Variants in SHE observed in about 807,000 individuals in gnomAD.
The protein encoded by SHE is SH2 domain-containing adapter protein E.
In SHE, 11 loss-of-function variants were observed where a neutral mutation model predicts 49.8. The ratio of observed to expected loss-of-function variants is 0.22; its 90% confidence interval spans 0.14 to 0.37. The LOEUF (loss-of-function observed/expected upper bound fraction) is 0.37, where lower values mean the gene tolerates loss of function less well. SHE is among the 10% of genes least tolerant of loss of function. The probability of loss-of-function intolerance (pLI) is 1.00; values close to 1 mark genes in which losing one functional copy is unlikely to be tolerated. For synonymous variants in SHE, 310 were observed against 278.1 expected (o/e 1.11, Z -1.14); for missense variants, 624 against 655.5 (o/e 0.95, Z 0.52).
At position 154,484,157 on chromosome 1, in the gene SHE, G is replaced by C; in HGVS notation, c.1480C>G (p.Leu494Val). 6.2e-7 allele frequency: 1 copy of C among 1,612,918 alleles called. No individual in the cohort carries two copies. Among genetic ancestry groups the C allele is most frequent in the Non-Finnish European group, 8.5e-7 (1 of 1,179,090 alleles). ...MTLLYPVHSK[L>V]H Reference sequence around the variant, plus strand: ...CTTGCAGTGGCTGAATCTTAGTGAAGCTTGCTGTGCACTGGGTAGAGTAAA... The same window carrying C: ...CTTGCAGTGGCTGAATCTTAGTGAACCTTGCTGTGCACTGGGTAGAGTAAA... The change falls in exon 6 of 6, where the codon CTT (leucine) becomes GTT (valine). Residue 494 changes from leucine (L) to valine (V), a missense_variant. Coordinates refer to ENST00000304760, the MANE Select transcript of SHE (RefSeq NM_001010846.3).
rs1238733902 is a variant in SHE at position 154,470,335 on chromosome 1, A to G, written c.*6T>C. 8.5e-6 allele frequency: 11 copies of G among 1,289,096 alleles called. No individual in the cohort carries two copies. The African/African-American group carries it at 9.1e-5, about 11-fold the overall frequency. The allele number at this position is 1,289,096 out of a possible 1,614,324, so 79.9% of individuals were successfully genotyped here. A position where few individuals can be genotyped will look rare whatever the true frequency, so the allele number is the denominator to read the frequency against. ...GACATGGTTACGGTGCTCTTTCCAG[A>G]AGAACTTAGGAGAGCAGATGGTGAT... On this transcript the variant is annotated 3_prime_UTR_variant, in exon 2 of 2. Coordinates refer to the SHE transcript ENST00000486773.
Position 154,501,638 on chromosome 1 carries a change from G to C in SHE, c.389C>G (p.Pro130Arg). 1 of 1,614,130 alleles carries C rather than the reference G, an allele frequency of 6.2e-7. No individual in the cohort carries two copies. Among genetic ancestry groups the C allele is most frequent in the Non-Finnish European group, 8.5e-7 (1 of 1,180,018 alleles). Residue 130 changes from proline (P) to arginine (R), a missense_variant, in exon 1 of 6, where the codon CCC (proline) becomes CGC (arginine). Coordinates refer to ENST00000304760, the MANE Select transcript of SHE (RefSeq NM_001010846.3). ...RKNSRATEEE[P>R]HRGATKSSGC... ...CGAGCTCTTGGTTGCACCCCGGTGGGGCTCCTCCTCCGTGGCCCGGGAGTT... is the reference window on the plus strand; with the variant it reads ...CGAGCTCTTGGTTGCACCCCGGTGGCGCTCCTCCTCCGTGGCCCGGGAGTT...
chr1:154,483,142 T>G lies in SHE; in HGVS notation c.*1007A>C. The G allele has an allele frequency of 1.0e-6, 1 of 984,300 alleles. No homozygotes were observed. The highest frequency in any genetic ancestry group is 1.2e-6 in the Non-Finnish European group (1 of 828,880). The allele number at this position is 984,300 out of a possible 1,614,324, so 61.0% of individuals were successfully genotyped here. A position where few individuals can be genotyped will look rare whatever the true frequency, so the allele number is the denominator to read the frequency against. ...GAATTCTAATAATGATGCCAATGCC[T>G]AATGATATTGGTGATTCTTAAACCT... On this transcript the variant is annotated 3_prime_UTR_variant, in exon 6 of 6. Transcript: ENST00000304760.
chr1:154,470,253 T>G (rs1429966989), exon 2 of SHE: 1 of 1,246,952 alleles, frequency 8.0e-7, no homozygotes, highest in Non-Finnish European at 1.1e-6. Context: ...GAGTGGGCAC[T>G]GGAGCCAGGA....
At chr1:154,491,537 C>A (rs1466887795) in intron 2 of SHE, among the ~76,000 whole-genome samples, 1 of 152,218 alleles carries the variant, frequency 6.6e-6, no homozygotes, top group Non-Finnish European at 1.5e-5. Flanking sequence ...CACGGCTGGA[C>A]CAACGCACTC....
chr1:154,495,289 G>A (rs1692491031), intron 2 of SHE, among the ~76,000 whole-genome samples: 1 of 152,170 alleles, frequency 6.6e-6, no homozygotes, highest in Non-Finnish European at 1.5e-5. Flanking sequence ...CAAATATTTA[G>A]CTAAATATCT....
rs1250608897 is a variant in SHE, at chr1:154,484,006, C to T, written c.*143G>A. The T allele has an allele frequency of 2.8e-6, 4 of 1,433,848 alleles. No individual in the cohort carries two copies. The highest frequency in any genetic ancestry group is 2.9e-5 in the African/African-American group (2 of 69,794). The allele number at this position is 1,433,848 out of a possible 1,614,324, so 88.8% of individuals were successfully genotyped here. On this transcript the variant is annotated 3_prime_UTR_variant, in exon 6 of 6. Coordinates refer to ENST00000304760, the MANE Select transcript of SHE (RefSeq NM_001010846.3). ...CAGCGAGACTTCGTCTCAAACAAAA[C>T]AAAACAAATCACTCTCTGACTTTTC... is the stretch of plus-strand genomic sequence containing the variant.
At position 154,482,386 on chromosome 1, in the gene SHE, C is replaced by T. The variant is rs188460308; in HGVS notation, c.*1763G>A. ...CTCTTAAATTTTTAAAATCAAAGAT[C>T]ACACAACCTTTTGGCTGAGATCTTA... is the stretch of plus-strand genomic sequence containing the variant. On this transcript the variant is annotated 3_prime_UTR_variant, in exon 6 of 6. Transcript: ENST00000304760. 13 of 985,326 alleles carry T rather than the reference C, an allele frequency of 1.3e-5. No homozygotes were observed. The African/African-American group carries it at 2.3e-4, about 17-fold the overall frequency. The allele number at this position is 985,326 out of a possible 1,614,324, so 61.0% of individuals were successfully genotyped here.
intron 3 of SHE, 64 bp downstream of exon 3, chr1:154,488,987 G>T: frequency 2.0e-6 from 3 of 1,497,814 alleles, no homozygotes; most frequent in South Asian, 2.8e-5. Flanking sequence ...AAACAAATGT[G>T]GGGCTGATGC....
chr1:154,484,219 T>C lies in SHE; in HGVS notation c.1418A>G (p.Asn473Ser), dbSNP rs755997884. 3.1e-6 allele frequency: 5 copies of C among 1,614,082 alleles called. No homozygotes were observed. The East Asian group carries it at 6.7e-5, about 22-fold the overall frequency. ...SIPEVVHYYSNEKLPFKGAEH... is the reference protein window; with the variant it reads ...SIPEVVHYYSSEKLPFKGAEH... ...TGCCCCTTTGAAAGGCAACTTTTCA[T>C]TGGAATAATAGTGTACCACTTCAGG... The change falls in exon 6 of 6, where the codon AAT becomes AGT. Residue 473 changes from asparagine to serine, a missense_variant. Physicochemically the swap from Asn to Ser is conservative, Grantham distance 46 (BLOSUM62 1). Around this residue, in one of 4 missense-constraint regions of SHE, gnomAD observed 125 missense variants for 181.7 expected, o/e 0.69. Transcript: ENST00000304760.
chr1:154,494,382 T>TTC (rs1444832283), intron 2 of SHE, among the ~76,000 whole-genome samples: 3 of 149,784 alleles, frequency 2.0e-5, no homozygotes, highest in African/African-American at 7.3e-5. Context: ...CAGTTTTTTT[T>TTC]TTTTTTTTTT....
downstream of SHE, among the ~76,000 whole-genome samples, chr1:154,478,902 T>C (rs548676198): frequency 7.2e-5 from 11 of 152,318 alleles, no homozygotes; most frequent in East Asian, 1.9e-3. Context: ...AGTTAAAAAC[T>C]TGAAACCATG....
At chr1:154,475,941 C>T (rs1484851079), downstream of SHE, among the ~76,000 whole-genome samples, 1 of 152,158 alleles carries the variant, frequency 6.6e-6, no homozygotes, top group Non-Finnish European at 1.5e-5. Flanking sequence ...GGATTACAGG[C>T]ATGAGCCACT....
rs974635054 is a variant in SHE at position 154,480,250 on chromosome 1, T to C, written c.*3899A>G. ...TCTGTGAAGGGTTTCAGTGCAATCC[T>C]GCTGAGTGTCAAGGGGTGCGGGGAA... On this transcript the variant is annotated 3_prime_UTR_variant, in exon 6 of 6. Transcript: ENST00000304760. The C allele has an allele frequency of 3.0e-6, 3 of 985,344 alleles. No individual in the cohort carries two copies. Among genetic ancestry groups the C allele is most frequent in the African/African-American group, 1.7e-5 (1 of 57,242 alleles). The allele number at this position is 985,344 out of a possible 1,614,324, so 61.0% of individuals were successfully genotyped here. A position where few individuals can be genotyped will look rare whatever the true frequency, so the allele number is the denominator to read the frequency against.
chr1:154,500,022 C>T (rs1692656254), intron 1 of SHE, among the ~76,000 whole-genome samples: 2 of 151,704 alleles, frequency 1.3e-5, no homozygotes, highest in Non-Finnish European at 2.9e-5. Context: ...GGCCTTGCTC[C>T]ACAACCTCTG....
chr1:154,493,871 T>C (rs1456736327), intron 2 of SHE, among the ~76,000 whole-genome samples: 2 of 152,188 alleles, frequency 1.3e-5, no homozygotes, highest in Admixed American at 1.3e-4. Flanking sequence ...AGAATCTCAC[T>C]GATGCCTCAC....
At chr1:154,490,017 T>C (rs1692315041) in intron 2 of SHE, among the ~76,000 whole-genome samples, 1 of 152,250 alleles carries the variant, frequency 6.6e-6, no homozygotes, top group South Asian at 2.1e-4. Flanking sequence ...ATATCACTTT[T>C]GCACCACTGT....
rs746042460 is a variant in SHE, at chr1:154,486,573, T to C, written c.1135A>G (p.Ser379Gly). 3 of 1,614,160 alleles carry C rather than the reference T, an allele frequency of 1.9e-6. No individual in the cohort carries two copies. Among genetic ancestry groups the C allele is most frequent in the South Asian group, 1.1e-5 (1 of 91,076 alleles). Residue 379 changes from serine to glycine, a missense_variant, in exon 4 of 6, where the codon AGT (serine) becomes GGT (glycine). Physicochemically the swap from Ser to Gly is moderately conservative, Grantham distance 56. This residue lies in a region of SHE where 125 missense variants were observed against 181.7 expected (regional missense o/e 0.69). Transcript: ENST00000304760. ...KILKPALSDH[S>G]EGEKVDPGLP... is the part of the protein sequence containing the mutation. ...CCCGGGTCCACTTTCTCTCCCTCAC[T>C]GTGGTCCGAGAGGGCTGGCTTCAGG...
At position 154,472,045 on chromosome 1, in the gene SHE, C is replaced by T. The variant is rs577476285; in HGVS notation, c.103-1683G>A. Among the ~76,000 whole-genome samples the T allele has an allele frequency of 3.1e-3, 477 of 151,464 alleles. 3 individuals are homozygous for T. Among genetic ancestry groups the T allele is most frequent in the African/African-American group, 6.5e-3 (269 of 41,264 alleles). On this transcript the variant is annotated intron_variant, in intron 1 of 1. Coordinates refer to the SHE transcript ENST00000486773. ...AAAATTAGCTGGGCATGGTGGTGGG[C>T]GCCTGTAGTCCCAGCTACTCAGGAG...
Sources: gnomAD v4.1 joint callset for allele counts (sites outside exome capture counted in the v4.1 genomes callset) on GRCh38, gnomAD v4.1.1 for gene constraint, gnomAD v4.1.1 regional missense constraint, MANE v1.5 for transcripts, NCBI Gene and HGNC (gene_info 2026-07-23, HGNC 2026-07-21) for gene names.